The following SUPT6H variants were observed in gnomAD, a reference collection of about 807,000 sequenced individuals.
SUPT6H encodes the protein transcription elongation factor SPT6.
In SUPT6H, 11 loss-of-function variants were observed where a neutral mutation model predicts 222.3. The observed-to-expected ratio is 0.05, with a 90% CI of 0.03 to 0.08. The LOEUF (loss-of-function observed/expected upper bound fraction) is 0.08, where lower values mean the gene tolerates loss of function less well. Ranked by LOEUF, SUPT6H falls within the 10% of genes least tolerant of loss-of-function variation. The probability of loss-of-function intolerance (pLI) is 1.00; values close to 1 mark genes in which losing one functional copy is unlikely to be tolerated. For synonymous variants in SUPT6H, 762 were observed against 801.2 expected, an observed-to-expected ratio of 0.95 and a Z score of 0.83; for missense variants, 1,422 against 2,216.0, an observed-to-expected ratio of 0.64 and a Z score of 7.19.
At position 28,675,132 on chromosome 17, in the gene SUPT6H, G is replaced by C; in HGVS notation, c.508G>C (p.Glu170Gln). Residue 170 changes from glutamate to glutamine, a missense_variant, in exon 5 of 37, where the codon GAG becomes CAG. Transcript: ENST00000314616. Reference protein sequence around the residue: ...EAMEAPMAPPEEEEEDDEESD... With the variant: ...EAMEAPMAPPQEEEEDDEESD... ...CATGGAGGCCCCCATGGCTCCTCCA[G>C]AGGAGGAGGAAGAAGATGATGAGGA... The C allele has an allele frequency of 2.5e-6, 4 of 1,611,776 alleles. No individual in the cohort carries two copies. The highest frequency in any genetic ancestry group is 3.4e-6 in the Non-Finnish European group (4 of 1,179,442).
chr17:28,696,792 G>A (rs2031941116), intron 29 of SUPT6H, 52 bp from the exon 30 acceptor site: 1 of 1,540,058 alleles, frequency 6.5e-7, no homozygotes, highest in Non-Finnish European at 9.0e-7. Context: ...TCCTGTTGCT[G>A]CCAGCTCCTA....
In SUPT6H at chr17:28,669,475, C is replaced by T. The variant is rs201273599; in HGVS notation, c.-31-3896C>T. On this transcript the variant is annotated intron_variant, in intron 1 of 36. Transcript: ENST00000314616. Reference sequence around the variant, plus strand: ...GGTTACAGGCATGAGCCACAGCACTCGGCCGAATAATAATAGTTTTTAAAA... The same window carrying T: ...GGTTACAGGCATGAGCCACAGCACTTGGCCGAATAATAATAGTTTTTAAAA... Among the ~76,000 whole-genome samples the T allele has an allele frequency of 8.5e-5, 13 of 152,272 alleles. No homozygotes were observed. In the East Asian group the frequency reaches 1.9e-3, roughly 23 times the overall value.
Position 28,675,013 on chromosome 17 carries a change from A to G in SUPT6H, c.389A>G (p.Asp130Gly), listed in dbSNP as rs765855930. 1.2e-6 allele frequency: 2 copies of G among 1,614,162 alleles called. No homozygotes were observed. Among genetic ancestry groups the G allele is most frequent in the South Asian group, 1.1e-5 (1 of 91,062 alleles). Reference protein sequence around the residue: ...RVKKMSDDEDDDEEEYGKEEH... With the variant: ...RVKKMSDDEDGDEEEYGKEEH... ...AAAAAAATGTCAGATGACGAGGACG[A>G]TGACGAGGAGGAATATGGCAAGGAG... is the stretch of plus-strand genomic sequence containing the variant. The change falls in exon 5 of 37, where the codon GAT becomes GGT. Residue 130 changes from aspartate to glycine, a missense_variant. Coordinates refer to ENST00000314616, the MANE Select transcript of SUPT6H (RefSeq NM_003170.5).
chr17:28,675,565 C>A, intron 6 of SUPT6H, 80 bp downstream of exon 6: 2 of 1,455,732 alleles, frequency 1.4e-6, no homozygotes, highest in Admixed American at 1.8e-5. Context: ...AGGCCTTTGC[C>A]AAAAATGGGG....
chr17:28,691,363 T>TAAAAATAC (rs2031634090), intron 27 of SUPT6H: 1 of 288,818 alleles, frequency 3.5e-6, no homozygotes, highest in South Asian at 4.9e-5. Context: ...CCGTCTCTAC[T>TAAAAATAC]AAAAATACAA....
rs760466715 is a variant in SUPT6H, at chr17:28,688,374, AC to A, written c.3134+158del. Reference sequence around the variant, plus strand: ...AACTTTATTCAGTCAAGAGCCCCTGACCTATGGAAAAGATCGGTTCAATCAT... The same window carrying A: ...AACTTTATTCAGTCAAGAGCCCCTGACTATGGAAAAGATCGGTTCAATCAT... On this transcript the variant is annotated intron_variant, in intron 24 of 36. Transcript: ENST00000314616. The surrounding 1 kb of genome is among the most constrained non-coding windows in gnomAD (Gnocchi z 4.3). 6.7e-5 allele frequency: 59 copies of A among 879,334 alleles called. No homozygotes were observed. The highest frequency in any genetic ancestry group is 9.0e-5 in the Non-Finnish European group (57 of 631,012). 54.5% of individuals were successfully genotyped at this position (879,334 alleles called of 1,614,324 possible).
chr17:28,690,910 C>G lies in SUPT6H; in HGVS notation c.3491-11C>G, dbSNP rs1456708265. On this transcript the variant is annotated splice_polypyrimidine_tract_variant and intron_variant, in intron 26 of 36. Transcript: ENST00000314616. ...CTGAGCCTGCTCCCCATCCTCTTTT[C>G]CTTCTTGCAGGAAAGCTCATCATCT... is the stretch of plus-strand genomic sequence containing the variant. 1 of 1,611,410 alleles carries G rather than the reference C, an allele frequency of 6.2e-7. No homozygotes were observed. The highest frequency in any genetic ancestry group is 8.5e-7 in the Non-Finnish European group (1 of 1,179,020).
chr17:28,680,052 C>T (rs1433578372), intron 11 of SUPT6H, among the ~76,000 whole-genome samples: 1 of 149,742 alleles, frequency 6.7e-6, no homozygotes, highest in Admixed American at 6.7e-5. Flanking sequence ...TGCCTGTAAT[C>T]CCAACACTTT....
chr17:28,702,088 C>T lies in SUPT6H; in HGVS notation c.*463C>T, dbSNP rs1204030658. The T allele has an allele frequency of 6.4e-6, 1 of 156,268 alleles. No homozygotes were observed. The highest frequency in any genetic ancestry group is 2.4e-5 in the African/African-American group (1 of 41,542). The allele number at this position is 156,268 out of a possible 1,614,324, so 9.7% of individuals were successfully genotyped here. ...GAGAGGAGGGAAAGTATTTCTGACC[C>T]TGATGCCAACAGCCGGGTGGCTGTC... On this transcript the variant is annotated 3_prime_UTR_variant, in exon 37 of 37. Coordinates refer to ENST00000314616, the MANE Select transcript of SUPT6H (RefSeq NM_003170.5).
intron 1 of SUPT6H, among the ~76,000 whole-genome samples, chr17:28,666,304 A>T (rs1049138242): frequency 2.0e-5 from 3 of 152,220 alleles, no homozygotes; most frequent in Non-Finnish European, 1.5e-5. Context: ...GGTCACCCCC[A>T]TTCATTTACA....
In SUPT6H at chr17:28,690,170, C is replaced by G. The variant is rs781626190; in HGVS notation, c.3431C>G (p.Pro1144Arg). 2 of 1,613,906 alleles carry G rather than the reference C, an allele frequency of 1.2e-6. No homozygotes were observed. The highest frequency in any genetic ancestry group is 1.1e-5 in the South Asian group (1 of 91,066). The change falls in exon 26 of 37, where the codon CCC becomes CGC. Residue 1144 changes from proline (P) to arginine (R), a missense_variant. Transcript: ENST00000314616. ...YKDLRTAYRS[P>R]NTEEIFNMLT... is the part of the protein sequence containing the mutation. ...GACCTCCGGACAGCCTACCGCTCTC[C>G]CAACACAGAGGAGATCTTCAATATG... is the stretch of plus-strand genomic sequence containing the variant.
Position 28,678,907 on chromosome 17 carries a change from C to T in SUPT6H, c.1293C>T (p.Asp431=). Residue 431 remains aspartate, a synonymous_variant, in exon 11 of 37, where the codon GAC becomes GAT. Coordinates refer to ENST00000314616, the MANE Select transcript of SUPT6H (RefSeq NM_003170.5). ...QAYQYEQISA[D]PDKPLADGIR... Reference sequence around the variant, plus strand: ...ATCAGTATGAACAGATCTCTGCTGACCCTGACAAACCTCTTGCTGATGGCA... The same window carrying T: ...ATCAGTATGAACAGATCTCTGCTGATCCTGACAAACCTCTTGCTGATGGCA... 6.2e-7 allele frequency: 1 copy of T among 1,614,226 alleles called. No homozygotes were observed. The highest frequency in any genetic ancestry group is 8.5e-7 in the Non-Finnish European group (1 of 1,180,042).
chr17:28,677,601 A>G, intron 7 of SUPT6H, 114 bp from the exon 8 acceptor site: 1 of 762,442 alleles, frequency 1.3e-6, no homozygotes. Flanking sequence ...CATTTGTAGA[A>G]CAATACTGGA....
Position 28,700,987 on chromosome 17 carries a change from C to A in SUPT6H, c.4853C>A (p.Thr1618Asn). ...AQQPVATPLM[T>N]PSYSYTTPSQ... Reference sequence around the variant, plus strand: ...CAGCCAGTGGCCACACCACTAATGACCCCTAGCTACTCCTACACGACCCCA... The same window carrying A: ...CAGCCAGTGGCCACACCACTAATGAACCCTAGCTACTCCTACACGACCCCA... Residue 1618 changes from threonine to asparagine, a missense_variant, in exon 36 of 37, where the codon ACC becomes AAC. Physicochemically the swap from Thr to Asn is moderately conservative, Grantham distance 65 (BLOSUM62 0). Coordinates refer to ENST00000314616, the MANE Select transcript of SUPT6H (RefSeq NM_003170.5). 6.2e-7 allele frequency: 1 copy of A among 1,614,050 alleles called. No individual in the cohort carries two copies. The highest frequency in any genetic ancestry group is 8.5e-7 in the Non-Finnish European group (1 of 1,179,932).
At position 28,701,409 on chromosome 17, in the gene SUPT6H, T is replaced by G. The variant is rs755606238; in HGVS notation, c.4995-30T>G. 5 of 1,605,878 alleles carry G rather than the reference T, an allele frequency of 3.1e-6. No homozygotes were observed. In the South Asian group the frequency reaches 5.5e-5, roughly 18 times the overall value. ...GTGGGAAGACTTCCTTCTAGCAAAG[T>G]CCCAATCTCAACTTTTCTTCCCCTC... On this transcript the variant is annotated intron_variant, in intron 36 of 36. Coordinates refer to ENST00000314616, the MANE Select transcript of SUPT6H (RefSeq NM_003170.5).
rs1286033688 is a variant in SUPT6H, at chr17:28,685,037, G to A, written c.2487+76G>A. 9.4e-6 allele frequency: 13 copies of A among 1,380,726 alleles called. No homozygotes were observed. The South Asian group carries it at 1.5e-4, about 16-fold the overall frequency. The allele number at this position is 1,380,726 out of a possible 1,614,324, so 85.5% of individuals were successfully genotyped here. A position where few individuals can be genotyped will look rare whatever the true frequency, so the allele number is the denominator to read the frequency against. ...GATTCAGTGGAGATAAGTGTTTACG[G>A]TCTAAGCAACATCCTATGCAAGACT... On this transcript the variant is annotated intron_variant, in intron 19 of 36. Coordinates refer to ENST00000314616, the MANE Select transcript of SUPT6H (RefSeq NM_003170.5).
At chr17:28,677,659 T>C in intron 7 of SUPT6H, 56 bp from the exon 8 acceptor site, 1 of 1,311,220 alleles carries the variant, frequency 7.6e-7, no homozygotes, top group Non-Finnish European at 1.1e-6. Flanking sequence ...GGTATGTTTT[T>C]CTTAAGTGAG....
chr17:28,687,982 G>C, intron 23 of SUPT6H, 109 bp from the exon 24 acceptor site: 1 of 1,183,332 alleles, frequency 8.5e-7, no homozygotes, highest in South Asian at 2.3e-5. Flanking sequence ...TGCTCAACTA[G>C]ATACTGGGTG....
At chr17:28,701,230 G>A in intron 36 of SUPT6H, 102 bp downstream of exon 36, 1 of 1,474,528 alleles carries the variant, frequency 6.8e-7, no homozygotes, top group Admixed American at 2.1e-5. Flanking sequence ...ATCCTCTGAG[G>A]GCCCTGACCA....
Sources: allele counts gnomAD v4.1 joint callset (sites outside exome capture counted in the v4.1 genomes callset), GRCh38; gene constraint gnomAD v4.1.1; non-coding constraint Gnocchi (gnomAD v3.1); transcripts MANE v1.5; gene names NCBI Gene and HGNC (gene_info 2026-07-23, HGNC 2026-07-21).